PRKG1: variants seen among roughly 807,000 people sequenced by gnomAD.
PRKG1 encodes protein kinase cGMP-dependent 1, also known as cGMP-dependent protein kinase 1.
In PRKG1, 35 loss-of-function variants were observed where a neutral mutation model predicts 88.1. The ratio of observed to expected loss-of-function variants is 0.40; its 90% CI spans 0.30 to 0.53. PRKG1 has a LOEUF of 0.53. Among genes scored for constraint, PRKG1 ranks in the 20% least tolerant of loss-of-function variants. The pLI, the probability that PRKG1 is intolerant of heterozygous loss-of-function variation, is 0.59. For synonymous variants in PRKG1, 303 were observed against 292.5 expected (o/e 1.04, Z -0.37); for missense variants, 540 against 839.8 (o/e 0.64, Z 4.41).
At chr10:52,069,751 C>A (rs1012276759) in intron 7 of PRKG1, among the ~76,000 whole-genome samples, 3 of 151,950 alleles carry the variant, frequency 2.0e-5, no homozygotes, top group Non-Finnish European at 4.4e-5. Context: ...CCTCATTGCT[C>A]ATGTGTCTAT....
At chr10:51,212,160 C>T (rs1446136208) in intron 2 of PRKG1, among the ~76,000 whole-genome samples, 9 of 152,002 alleles carry the variant, frequency 5.9e-5, no homozygotes, top group African/African-American at 1.7e-4. Flanking sequence ...GAAATAATGC[C>T]GCATATCTAC....
At chr10:52,220,664 C>A (rs1472304465) in intron 9 of PRKG1, among the ~76,000 whole-genome samples, 5 of 152,036 alleles carry the variant, frequency 3.3e-5, no homozygotes, top group Non-Finnish European at 5.9e-5. Context: ...TGAGAACATG[C>A]AGTATTTGGC....
intron 3 of PRKG1, among the ~76,000 whole-genome samples, chr10:51,619,919 A>G (rs1839163170): frequency 6.6e-6 from 1 of 152,138 alleles, no homozygotes; most frequent in Non-Finnish European, 1.5e-5. Context: ...CCTGTGTATG[A>G]GTCCTAACTG....
chr10:52,193,312 A>G (rs530156440), intron 9 of PRKG1, among the ~76,000 whole-genome samples: 9 of 152,226 alleles, frequency 5.9e-5, no homozygotes, highest in African/African-American at 2.2e-4. Context: ...TGGGAAGCAG[A>G]GACGGGTGGA....
chr10:51,905,567 G>T (rs764898699), intron 4 of PRKG1, among the ~76,000 whole-genome samples: 2 of 152,074 alleles, frequency 1.3e-5, no homozygotes, highest in Admixed American at 1.3e-4. Flanking sequence ...AGATTTTCCA[G>T]TGAGGTTTCA....
chr10:51,481,869 G>C (rs143737620), intron 3 of PRKG1, among the ~76,000 whole-genome samples: 235 of 152,058 alleles, frequency 1.5e-3, no homozygotes, highest in African/African-American at 5.2e-3. Context: ...TGAACAGAAC[G>C]TCAAGCTCAT....
intron 2 of PRKG1, among the ~76,000 whole-genome samples, chr10:51,239,889 A>G (rs951893181): frequency 2.0e-5 from 3 of 152,322 alleles, no homozygotes; most frequent in African/African-American, 7.2e-5. Flanking sequence ...TATAGGGCCA[A>G]TATGGGAGTA....
intron 10 of PRKG1, among the ~76,000 whole-genome samples, chr10:52,258,356 T>C: frequency 1.4e-5 from 2 of 139,396 alleles, no homozygotes. Flanking sequence ...TAAATATTAT[T>C]TCTTTAATCC....
At chr10:51,067,218 T>C (rs190795245) in intron 1 of PRKG1, among the ~76,000 whole-genome samples, 1 of 151,684 alleles carries the variant, frequency 6.6e-6, no homozygotes, top group African/African-American at 2.4e-5. Flanking sequence ...CCATGGCATA[T>C]GTTGCTGTCG....
intron 7 of PRKG1, among the ~76,000 whole-genome samples, chr10:52,127,156 C>T (rs987267755): frequency 6.6e-6 from 1 of 151,908 alleles, no homozygotes; most frequent in Non-Finnish European, 1.5e-5. Flanking sequence ...GAGATAGAAC[C>T]AATATGACCA....
rs568498384 is a variant in PRKG1 at position 52,293,960 on chromosome 10, C to T, written c.*60C>T. 8 of 1,397,752 alleles carry T rather than the reference C, an allele frequency of 5.7e-6. No individual in the cohort carries two copies. In the South Asian group the frequency reaches 8.3e-5, roughly 15 times the overall value. The allele number at this position is 1,397,752 out of a possible 1,614,324, so 86.6% of individuals were successfully genotyped here. A position where few individuals can be genotyped will look rare whatever the true frequency, so the allele number is the denominator to read the frequency against. On this transcript the variant is annotated 3_prime_UTR_variant, in exon 18 of 18. Coordinates refer to ENST00000373980, the MANE Select transcript of PRKG1 (RefSeq NM_006258.4). ...ACAGCTTTTTCTGAGACACAGCTGC[C>T]AGCAAACCTGAGGGAAAGAGAGAAG...
intron 8 of PRKG1, among the ~76,000 whole-genome samples, chr10:52,155,954 G>A (rs1041158795): frequency 6.6e-6 from 1 of 151,838 alleles, no homozygotes; most frequent in African/African-American, 2.4e-5. Flanking sequence ...TTAATTCTTA[G>A]CTTTTTATTC....
At chr10:51,527,246 A>T (rs1841905262) in intron 3 of PRKG1, among the ~76,000 whole-genome samples, 1 of 152,062 alleles carries the variant, frequency 6.6e-6, no homozygotes, top group African/African-American at 2.4e-5. Context: ...AGAATAAAGG[A>T]GCAAACATTC....
At chr10:51,410,160 T>C (rs1204774539) in intron 2 of PRKG1, among the ~76,000 whole-genome samples, 1 of 151,836 alleles carries the variant, frequency 6.6e-6, no homozygotes, top group Non-Finnish European at 1.5e-5. Context: ...ACAGAACTAA[T>C]AGGATATATA....
At chr10:51,172,608 G>T (rs74131792) in intron 2 of PRKG1, among the ~76,000 whole-genome samples, 1 of 62,570 alleles carries the variant, frequency 1.6e-5, no homozygotes, top group Admixed American at 1.7e-4. Flanking sequence ...GTCTATGTAT[G>T]TATGTATGTA....
intron 3 of PRKG1, among the ~76,000 whole-genome samples, chr10:51,798,297 G>A (rs570594586): frequency 1.3e-4 from 19 of 151,966 alleles, no homozygotes; most frequent in Admixed American, 3.3e-4. Context: ...TATCCACATC[G>A]TCACCAACAC....
Position 52,015,313 on chromosome 10 carries a change from G to A in PRKG1, c.763-39171G>A, listed in dbSNP as rs539135304. 1.3e-3 allele frequency among the ~76,000 whole-genome samples: 203 copies of A among 152,278 alleles called. 1 individual carries two copies. The highest frequency in any genetic ancestry group is 2.5e-3 in the Non-Finnish European group (169 of 68,022). Reference sequence around the variant, plus strand: ...CCATGTGGAAGCTGCCACGGTTTGGGGCTTGAACCCTCTAAAGCAATAGCC... The same window carrying A: ...CCATGTGGAAGCTGCCACGGTTTGGAGCTTGAACCCTCTAAAGCAATAGCC... On this transcript the variant is annotated intron_variant, in intron 5 of 17. Coordinates refer to ENST00000373980, the MANE Select transcript of PRKG1 (RefSeq NM_006258.4).
At chr10:51,093,628 A>AT (rs61388328) in intron 1 of PRKG1, among the ~76,000 whole-genome samples, 22 of 144,858 alleles carry the variant, frequency 1.5e-4, no homozygotes, top group African/African-American at 5.4e-4. Context: ...TTACTTCATA[A>AT]TTTTTTTTCA....
At chr10:51,467,931 C>T (rs980425877) in intron 3 of PRKG1, 95 bp downstream of exon 3, 16 of 1,013,174 alleles carry the variant, frequency 1.6e-5, no homozygotes, top group Non-Finnish European at 2.1e-5. Flanking sequence ...AATCTTTATA[C>T]TTTTATTTCT....
Sources: gnomAD v4.1 joint callset for allele counts (sites outside exome capture counted in the v4.1 genomes callset) on GRCh38, gnomAD v4.1.1 for gene constraint, MANE v1.5 for transcripts, NCBI Gene and HGNC (gene_info 2026-07-23, HGNC 2026-07-21) for gene names.